The following CDC123 variants were observed in gnomAD, a reference collection of about 807,000 sequenced individuals.
The protein encoded by CDC123 is translation initiation factor eIF2 assembly protein.
In CDC123, 37 loss-of-function variants were observed where a neutral mutation model predicts 54.4. That is an observed-to-expected ratio of 0.68 (90% CI 0.52 to 0.89). The LOEUF is 0.89. CDC123 is among the 40% of genes least tolerant of loss of function. The pLI is 0.00. For synonymous variants in CDC123, 144 were observed against 136.8 expected (o/e 1.05, Z -0.37); for missense variants, 361 against 412.1 (o/e 0.88, Z 1.07).
rs1408100654 is a variant in CDC123 at position 12,204,448 on chromosome 10, G to A, written c.147-5519G>A. ...TTTGAGCCATGTGTATAAGATGTATGTGACACTGACACATAAATGATTTTT... is the reference window on the plus strand; with the variant it reads ...TTTGAGCCATGTGTATAAGATGTATATGACACTGACACATAAATGATTTTT... On this transcript the variant is annotated intron_variant, in intron 2 of 12. Coordinates refer to ENST00000281141, the MANE Select transcript of CDC123 (RefSeq NM_006023.3). Among the ~76,000 whole-genome samples the A allele has an allele frequency of 2.0e-5, 3 of 152,142 alleles. No homozygotes were observed. In the South Asian group the frequency reaches 6.2e-4, roughly 31 times the overall value.
intron 6 of CDC123, among the ~76,000 whole-genome samples, chr10:12,227,184 G>A (rs1360476763): frequency 6.6e-6 from 1 of 151,832 alleles, no homozygotes; most frequent in South Asian, 2.1e-4. Context: ...CAGGGAGGTT[G>A]CAGTGAGCCG....
At chr10:12,243,770 C>T (rs976217650) in intron 10 of CDC123, among the ~76,000 whole-genome samples, 2 of 144,562 alleles carry the variant, frequency 1.4e-5, no homozygotes, top group Non-Finnish European at 1.5e-5. Flanking sequence ...AGTGACAGAG[C>T]GAGACTCCAT....
intron 6 of CDC123, among the ~76,000 whole-genome samples, chr10:12,225,327 G>C (rs369962456): frequency 3.9e-5 from 6 of 152,114 alleles, no homozygotes; most frequent in African/African-American, 1.4e-4. Flanking sequence ...CCCGGGAGAC[G>C]GAGGTTGCAG....
intron 2 of CDC123, among the ~76,000 whole-genome samples, 164 bp from the exon 3 acceptor site, chr10:12,209,803 G>A (rs1031113162): frequency 6.6e-6 from 1 of 151,818 alleles, no homozygotes; most frequent in African/African-American, 2.4e-5. Context: ...GACCTCAAGC[G>A]ATCCACTCAC....
At position 12,237,138 on chromosome 10, in the gene CDC123, T is replaced by G. The variant is rs536612049; in HGVS notation, c.566-6T>G. ...AATAACAGGATGTAAAATATTTTCT[T>G]GTCAGGTATTTCTCAAAGAGACTAC... On this transcript the variant is annotated splice_region_variant and splice_polypyrimidine_tract_variant and intron_variant, in intron 8 of 12. Coordinates refer to ENST00000281141, the MANE Select transcript of CDC123 (RefSeq NM_006023.3). 7 of 1,523,760 alleles carry G rather than the reference T, an allele frequency of 4.6e-6. No individual in the cohort carries two copies. In the South Asian group the frequency reaches 6.6e-5, roughly 14 times the overall value. The allele number at this position is 1,523,760 out of a possible 1,614,324, so 94.4% of individuals were successfully genotyped here.
chr10:12,212,995 T>A (rs1376519563), intron 4 of CDC123, among the ~76,000 whole-genome samples: 1 of 152,068 alleles, frequency 6.6e-6, no homozygotes, highest in Admixed American at 6.5e-5. Context: ...AGTGATTAAA[T>A]AAGTGGGGAA....
At chr10:12,234,982 TA>T in intron 7 of CDC123, 65 bp from the exon 8 acceptor site, 1 of 1,173,682 alleles carries the variant, frequency 8.5e-7, no homozygotes, top group Non-Finnish European at 1.3e-6. Flanking sequence ...AGTGTTGACC[TA>T]AAATTGCCTA....
chr10:12,227,117 G>A (rs1486405529), intron 6 of CDC123, among the ~76,000 whole-genome samples: 9 of 152,156 alleles, frequency 5.9e-5, no homozygotes, highest in African/African-American at 1.7e-4. Context: ...CCAGTCAGGC[G>A]TGGCGGCGTG....
intron 7 of CDC123, 49 bp downstream of exon 7, chr10:12,231,045 AT>A: frequency 6.9e-7 from 1 of 1,458,190 alleles, no homozygotes. Context: ...TGTGTTGAGA[AT>A]TGCTATTTAT....
chr10:12,243,356 C>CGGT (rs749671389), intron 10 of CDC123, among the ~76,000 whole-genome samples: 8 of 150,438 alleles, frequency 5.3e-5, no homozygotes, highest in Admixed American at 1.3e-4. Context: ...CGAGATCTCA[C>CGGT]CATTGCACTC....
intron 6 of CDC123, among the ~76,000 whole-genome samples, chr10:12,220,752 C>T (rs1430355549): frequency 6.6e-6 from 1 of 152,074 alleles, no homozygotes; most frequent in Non-Finnish European, 1.5e-5. Flanking sequence ...CCGAGGTGGG[C>T]GGATCATGAG....
chr10:12,222,153 C>G (rs778503515), intron 6 of CDC123, among the ~76,000 whole-genome samples: 1 of 152,220 alleles, frequency 6.6e-6, no homozygotes, highest in Admixed American at 6.5e-5. Context: ...CACAAATGCT[C>G]CCAGCATCTG....
intron 4 of CDC123, 47 bp downstream of exon 4, chr10:12,210,369 A>T: frequency 6.2e-7 from 1 of 1,611,168 alleles, no homozygotes; most frequent in Non-Finnish European, 8.5e-7. Context: ...ACACTGTCAC[A>T]CAAGGGTTAG....
chr10:12,198,934 T>G (rs1835400946), intron 2 of CDC123, 158 bp downstream of exon 2: 1 of 549,232 alleles, frequency 1.8e-6, no homozygotes, highest in African/African-American at 2.0e-5. Context: ...CAATGTTCAC[T>G]TAATATTTTC....
intron 12 of CDC123, chr10:12,249,935 A>T: frequency 1.7e-6 from 1 of 595,142 alleles, no homozygotes. Context: ...TTTATGCTGT[A>T]CATGCCTTTT....
At chr10:12,214,625 C>T (rs1835641057) in intron 4 of CDC123, among the ~76,000 whole-genome samples, 1 of 152,178 alleles carries the variant, frequency 6.6e-6, no homozygotes, top group South Asian at 2.1e-4. Context: ...AAAGCTGTTT[C>T]TTGTTTTGGG....
At position 12,210,362 on chromosome 10, in the gene CDC123, C is replaced by CT. The variant is rs775303432; in HGVS notation, c.237+41dup. 3 of 1,612,644 alleles carry CT rather than the reference C, an allele frequency of 1.9e-6. No individual in the cohort carries two copies. The East Asian group carries it at 6.7e-5, about 36-fold the overall frequency. On this transcript the variant is annotated intron_variant, in intron 4 of 12. Coordinates refer to ENST00000281141, the MANE Select transcript of CDC123 (RefSeq NM_006023.3). Reference sequence around the variant, plus strand: ...GACTCAGCGTGGGGACAGCCTCACACTGTCACACAAGGGTTAGCGTCAAGG... The same window carrying CT: ...GACTCAGCGTGGGGACAGCCTCACACTTGTCACACAAGGGTTAGCGTCAAGG...
intron 6 of CDC123, among the ~76,000 whole-genome samples, chr10:12,226,999 A>G (rs943801091): frequency 2.6e-5 from 4 of 152,196 alleles, no homozygotes; most frequent in Non-Finnish European, 5.9e-5. Context: ...TCCGTCTGCA[A>G]TCCCGGCACT....
intron 6 of CDC123, among the ~76,000 whole-genome samples, chr10:12,230,241 G>A (rs1004742487): frequency 4.0e-5 from 6 of 151,370 alleles, no homozygotes; most frequent in African/African-American, 1.2e-4. Context: ...CACCCAGGCT[G>A]GAGTTCAGTG....
Sources: allele counts gnomAD v4.1 joint callset (sites outside exome capture counted in the v4.1 genomes callset), GRCh38; gene constraint gnomAD v4.1.1; transcripts MANE v1.5; gene names NCBI Gene and HGNC (gene_info 2026-07-23, HGNC 2026-07-21).